SMCO4: variants seen among roughly 807,000 people sequenced by gnomAD.
SMCO4 encodes single-pass membrane protein with coiled-coil domains 4, also known as single-pass membrane and coiled-coil domain-containing protein 4.
Under a neutral mutation model 3.6 loss-of-function variants are expected in SMCO4, and 4 were observed. The observed-to-expected ratio is 1.11, with a 90% confidence interval of 0.54 to 2.53. SMCO4 has a LOEUF of 2.53. SMCO4 is among the 30% of genes most tolerant of loss of function. The pLI is 0.02. For synonymous variants in SMCO4, 36 were observed against 35.3 expected (o/e 1.02, Z -0.07); for missense variants, 70 against 80.8 (o/e 0.87, Z 0.51).
intron 1 of SMCO4, among the ~76,000 whole-genome samples, chr11:93,522,426 C>T (rs996504353): frequency 2.6e-5 from 4 of 152,178 alleles, no homozygotes; most frequent in Non-Finnish European, 5.9e-5. Context: ...GGAAGGGAGA[C>T]AAGTCTGGTC....
At chr11:93,529,585 C>A (rs576431926) in intron 1 of SMCO4, among the ~76,000 whole-genome samples, 120 of 152,170 alleles carry the variant, frequency 7.9e-4, no homozygotes, top group African/African-American at 2.8e-3. Context: ...TGAAATCAGG[C>A]CCCCATATAG....
At chr11:93,546,704 G>A (rs1406084507), upstream of SMCO4, among the ~76,000 whole-genome samples, 1 of 152,260 alleles carries the variant, frequency 6.6e-6, no homozygotes, top group South Asian at 2.1e-4. Flanking sequence ...TTTCCTTTGT[G>A]ACATTTTTGC....
intron 2 of SMCO4, among the ~76,000 whole-genome samples, chr11:93,499,003 C>T (rs1272974005): frequency 6.6e-6 from 1 of 152,034 alleles, no homozygotes; most frequent in Non-Finnish European, 1.5e-5. Flanking sequence ...AAGGGTGAGA[C>T]CATCAGGGGA....
In SMCO4 at chr11:93,478,753, AT is replaced by A; in HGVS notation, c.*256del. On this transcript the variant is annotated 3_prime_UTR_variant, in exon 3 of 3. Transcript: ENST00000298966. ...CACACACACACACACACACACACAC[AT>A]GCGCGCGCGCTTTGAAGTCTGAAAG... 48 of 707,122 alleles carry A rather than the reference AT, an allele frequency of 6.8e-5. No homozygotes were observed. Among genetic ancestry groups the A allele is most frequent in the South Asian group, 1.1e-4 (3 of 27,546 alleles). The allele number at this position is 707,122 out of a possible 1,614,324, so 43.8% of individuals were successfully genotyped here.
intron 1 of SMCO4, among the ~76,000 whole-genome samples, chr11:93,509,260 T>G (rs1431944841): frequency 2.0e-5 from 3 of 150,998 alleles, no homozygotes; most frequent in African/African-American, 7.3e-5. Context: ...TGCTGTACTT[T>G]AGCTAAGCAA....
chr11:93,523,857 G>A (rs576018739), intron 1 of SMCO4, among the ~76,000 whole-genome samples: 1 of 152,136 alleles, frequency 6.6e-6, no homozygotes, highest in Non-Finnish European at 1.5e-5. Context: ...GGTTAACATG[G>A]ACTTCCTTAG....
intron 2 of SMCO4, among the ~76,000 whole-genome samples, chr11:93,493,387 C>G (rs1329426247): frequency 6.6e-6 from 1 of 152,164 alleles, no homozygotes; most frequent in Non-Finnish European, 1.5e-5. Flanking sequence ...CCCACCTGCT[C>G]CTGGTTAATA....
chr11:93,552,442 G>GTTGTTATTATTA, the SMCO4 span, among the ~76,000 whole-genome samples: 17 of 130,242 alleles, frequency 1.3e-4, no homozygotes, highest in African/African-American at 4.6e-4. Flanking sequence ...GCCCAGCCAC[G>GTTGTTATTATTA]TTATTATTAT....
At chr11:93,498,402 G>A (rs547715611) in intron 2 of SMCO4, among the ~76,000 whole-genome samples, 87 of 152,272 alleles carry the variant, frequency 5.7e-4, no homozygotes, top group Non-Finnish European at 1.1e-3. Context: ...GATGGAGAAG[G>A]TGATCCACCT....
intron 1 of SMCO4, among the ~76,000 whole-genome samples, chr11:93,528,747 G>A (rs761970948): frequency 4.6e-5 from 7 of 152,124 alleles, no homozygotes; most frequent in Non-Finnish European, 1.0e-4. Flanking sequence ...TGAGGCCCAG[G>A]GAGGCAAGTA....
intron 2 of SMCO4, among the ~76,000 whole-genome samples, chr11:93,492,038 C>T (rs1160390080): frequency 1.3e-5 from 2 of 152,164 alleles, no homozygotes; most frequent in East Asian, 1.9e-4. Context: ...GGCAGACAAA[C>T]GGAAAGAATG....
At chr11:93,513,975 C>T (rs994189215) in intron 1 of SMCO4, among the ~76,000 whole-genome samples, 19 of 152,134 alleles carry the variant, frequency 1.2e-4, no homozygotes, top group African/African-American at 4.6e-4. Flanking sequence ...GTTTCCTCTA[C>T]TAACCAAGCT....
At chr11:93,541,544 ATCCAACTCCAAGCTTGAGCGTCCAC>A (rs1181346695) in intron 1 of SMCO4, among the ~76,000 whole-genome samples, 1 of 152,174 alleles carries the variant, frequency 6.6e-6, no homozygotes, top group African/African-American at 2.4e-5. Flanking sequence ...AGCAGGACCA[ATCCAACTCCAAGCTTGAGCGTCCAC>A]TCCAAGCTTG....
intron 2 of SMCO4, among the ~76,000 whole-genome samples, chr11:93,499,017 G>A (rs1358746962): frequency 6.6e-6 from 1 of 152,136 alleles, no homozygotes; most frequent in Non-Finnish European, 1.5e-5. Flanking sequence ...CAGGGGAAGG[G>A]CAAACGAGAA....
chr11:93,481,641 A>G, intron 2 of SMCO4: 1 of 424,092 alleles, frequency 2.4e-6, no homozygotes, highest in African/African-American at 2.2e-5. Context: ...ACAGTCACCC[A>G]GTTTGTAAAT....
intron 1 of SMCO4, among the ~76,000 whole-genome samples, chr11:93,528,195 T>C (rs921900242): frequency 7.2e-5 from 11 of 152,186 alleles, no homozygotes; most frequent in East Asian, 3.8e-4. Flanking sequence ...TTCCTACACA[T>C]AGATATTTCT....
the SMCO4 span, among the ~76,000 whole-genome samples, chr11:93,549,116 G>A: frequency 3.3e-5 from 5 of 152,242 alleles, no homozygotes; most frequent in African/African-American, 4.8e-5. Flanking sequence ...ATGGTCAGTG[G>A]CCATGAGTGT....
At chr11:93,494,930 C>CT (rs1487740337) in intron 2 of SMCO4, among the ~76,000 whole-genome samples, 1 of 152,134 alleles carries the variant, frequency 6.6e-6, no homozygotes, top group Non-Finnish European at 1.5e-5. Context: ...GATCTGGCTC[C>CT]TGCCTACCTT....
intron 1 of SMCO4, among the ~76,000 whole-genome samples, chr11:93,530,343 G>A (rs1205692974): frequency 2.0e-5 from 3 of 152,084 alleles, no homozygotes; most frequent in Non-Finnish European, 4.4e-5. Flanking sequence ...TCTCTTCTTC[G>A]TGTTTGTGGT....
Sources: gnomAD v4.1 joint callset for allele counts (sites outside exome capture counted in the v4.1 genomes callset) on GRCh38, gnomAD v4.1.1 for gene constraint, MANE v1.5 for transcripts, NCBI Gene and HGNC (gene_info 2026-07-23, HGNC 2026-07-21) for gene names.